LPAR3: variants seen among roughly 807,000 people sequenced by gnomAD.
The protein encoded by LPAR3 is LPA receptor 3.
A neutral mutation model predicts 17.8 loss-of-function variants in LPAR3; 7 were observed. That is an observed-to-expected ratio of 0.39 (90% CI 0.22 to 0.74). The LOEUF (loss-of-function observed/expected upper bound fraction) is 0.74. Ranked by LOEUF, LPAR3 falls within the 30% of genes least tolerant of loss-of-function variation. The probability of loss-of-function intolerance (pLI) is 0.40; values close to 1 mark genes in which losing one functional copy is unlikely to be tolerated. For synonymous variants in LPAR3, 179 were observed against 179.9 expected (o/e 0.99, Z 0.04); for missense variants, 391 against 453.4 (o/e 0.86, Z 1.25).
chr1:84,841,578 A>G (rs1336487378), intron 2 of LPAR3, among the ~76,000 whole-genome samples: 3 of 152,188 alleles, frequency 2.0e-5, no homozygotes, highest in Admixed American at 6.5e-5. Context: ...GTTATACCAG[A>G]AAAACTAAAA....
chr1:84,837,414 A>G (rs1468020960), intron 2 of LPAR3, among the ~76,000 whole-genome samples: 1 of 152,230 alleles, frequency 6.6e-6, no homozygotes, highest in Admixed American at 6.5e-5. Context: ...CATAGCCAGC[A>G]GGTATGCTTC....
chr1:84,819,313 G>C (rs557047196), intron 2 of LPAR3, among the ~76,000 whole-genome samples: 4 of 152,248 alleles, frequency 2.6e-5, no homozygotes, highest in South Asian at 4.1e-4. Context: ...GAGCTGGGTG[G>C]GGCCTTAAAG....
intron 2 of LPAR3, among the ~76,000 whole-genome samples, chr1:84,825,503 G>A (rs1659138781): frequency 6.6e-6 from 1 of 152,162 alleles, no homozygotes; most frequent in South Asian, 2.1e-4. Context: ...AGGCCACCAT[G>A]TTCTGTGTTT....
intron 1 of LPAR3, among the ~76,000 whole-genome samples, chr1:84,868,868 T>C (rs1660104804): frequency 6.6e-6 from 1 of 152,186 alleles, no homozygotes; most frequent in African/African-American, 2.4e-5. Flanking sequence ...TTACCTAAAG[T>C]ATTTTTATTA....
intron 1 of LPAR3, among the ~76,000 whole-genome samples, chr1:84,879,309 C>CTTTTTTTTT (rs1199196149): frequency 1.4e-5 from 1 of 73,500 alleles, no homozygotes; most frequent in African/African-American, 8.2e-5. Flanking sequence ...CTTTTCTTTT[C>CTTTTTTTTT]TTTTTTCTTT....
chr1:84,888,733 G>T (rs185035081), intron 1 of LPAR3, among the ~76,000 whole-genome samples: 7 of 152,160 alleles, frequency 4.6e-5, no homozygotes, highest in African/African-American at 1.4e-4. Context: ...TTATGGAGGG[G>T]CTAATGTGCC....
chr1:84,853,107 G>A (rs74096168), intron 2 of LPAR3, among the ~76,000 whole-genome samples: 29 of 141,496 alleles, frequency 2.0e-4, no homozygotes, highest in Non-Finnish European at 2.1e-4. Context: ...GAAAAGAAAA[G>A]AAAAAAAAAA....
At chr1:84,890,222 G>A (rs1420355594) in intron 1 of LPAR3, among the ~76,000 whole-genome samples, 1 of 136,422 alleles carries the variant, frequency 7.3e-6, no homozygotes, top group Non-Finnish European at 1.6e-5. Context: ...GAGGAATGAC[G>A]AAGGGAGGAA....
intron 2 of LPAR3, among the ~76,000 whole-genome samples, chr1:84,838,525 C>A (rs930005755): frequency 1.3e-5 from 2 of 152,178 alleles, no homozygotes; most frequent in Non-Finnish European, 2.9e-5. Flanking sequence ...TTGACTCTGC[C>A]TCCTCAGTTA....
At chr1:84,817,356 A>G (rs1658956159) in intron 2 of LPAR3, among the ~76,000 whole-genome samples, 1 of 151,818 alleles carries the variant, frequency 6.6e-6, no homozygotes, top group African/African-American at 2.4e-5. Context: ...CACATTCTCT[A>G]TGAATTCTCC....
chr1:84,871,670 A>G (rs1352590781), intron 1 of LPAR3, among the ~76,000 whole-genome samples: 1 of 152,214 alleles, frequency 6.6e-6, no homozygotes, highest in Non-Finnish European at 1.5e-5. Context: ...ACGTCTGTTC[A>G]CTGAATTCCT....
intron 2 of LPAR3, among the ~76,000 whole-genome samples, chr1:84,830,016 C>T (rs752139272): frequency 1.8e-4 from 28 of 152,288 alleles, no homozygotes; most frequent in Middle Eastern, 6.8e-3. Context: ...TGTAGTCCCA[C>T]ACCTGTAAAA....
chr1:84,844,976 C>A (rs1360225990), intron 2 of LPAR3, among the ~76,000 whole-genome samples: 2 of 152,162 alleles, frequency 1.3e-5, no homozygotes, highest in Non-Finnish European at 2.9e-5. Context: ...CAAATTACAT[C>A]CACAATAACA....
intron 2 of LPAR3, among the ~76,000 whole-genome samples, chr1:84,858,615 T>G (rs1299702988): frequency 1.3e-5 from 2 of 152,146 alleles, no homozygotes; most frequent in Non-Finnish European, 2.9e-5. Flanking sequence ...GGGTTCTGCT[T>G]TTAGCTCCAG....
intron 2 of LPAR3, among the ~76,000 whole-genome samples, chr1:84,814,536 G>T (rs1658895788): frequency 6.6e-6 from 1 of 152,194 alleles, no homozygotes; most frequent in African/African-American, 2.4e-5. Context: ...ACATTGGACA[G>T]ATAAGAAAAC....
At chr1:84,887,953 T>C (rs534736465) in intron 1 of LPAR3, among the ~76,000 whole-genome samples, 27 of 152,132 alleles carry the variant, frequency 1.8e-4, no homozygotes, top group Non-Finnish European at 2.6e-4. Flanking sequence ...GAATGGGCTC[T>C]GTGGATTGGA....
intron 1 of LPAR3, among the ~76,000 whole-genome samples, chr1:84,880,733 T>C (rs928592718): frequency 6.6e-6 from 1 of 152,204 alleles, no homozygotes; most frequent in African/African-American, 2.4e-5. Context: ...GGAATTGTAG[T>C]ACCAGGGAAG....
intron 1 of LPAR3, among the ~76,000 whole-genome samples, chr1:84,872,549 G>A (rs1660174673): frequency 6.6e-6 from 1 of 152,096 alleles, no homozygotes; most frequent in Non-Finnish European, 1.5e-5. Context: ...ACAAAATAAA[G>A]TAGTACTGGA....
intron 1 of LPAR3, among the ~76,000 whole-genome samples, chr1:84,878,907 G>GTCCTGACT (rs1369603916): frequency 2.0e-5 from 3 of 152,190 alleles, no homozygotes; most frequent in African/African-American, 7.2e-5. Context: ...CTGAGGCCTA[G>GTCCTGACT]TCCTGACTAC....
Sources: allele counts gnomAD v4.1 joint callset (sites outside exome capture counted in the v4.1 genomes callset), GRCh38; gene constraint gnomAD v4.1.1; transcripts MANE v1.5; gene names NCBI Gene and HGNC (gene_info 2026-07-23, HGNC 2026-07-21).